VWC2: variants seen among roughly 807,000 people sequenced by gnomAD.
VWC2 encodes brorin.
A neutral mutation model predicts 29.8 loss-of-function variants in VWC2; 14 were observed. The ratio of observed to expected loss-of-function variants is 0.47; its 90% CI spans 0.31 to 0.74. VWC2 has a LOEUF of 0.74. Among genes scored for constraint, VWC2 ranks in the 30% least tolerant of loss-of-function variants. VWC2 has a pLI of 0.05. For synonymous variants in VWC2, 213 were observed against 199.0 expected (o/e 1.07, Z -0.59); for missense variants, 457 against 459.8 (o/e 0.99, Z 0.05).
intron 2 of VWC2, among the ~76,000 whole-genome samples, 158 bp from the exon 3 acceptor site, chr7:49,802,553 G>T (rs772490579): frequency 2.0e-5 from 3 of 152,122 alleles, no homozygotes; most frequent in African/African-American, 4.8e-5. Context: ...CAGCAGAATC[G>T]CTTGAACTCG....
At chr7:49,822,441 GTT>G (rs1310324914) in intron 3 of VWC2, among the ~76,000 whole-genome samples, 1 of 151,934 alleles carries the variant, frequency 6.6e-6, no homozygotes, top group East Asian at 1.9e-4. Flanking sequence ...TTTGTTTTTT[GTT>G]TTTTGTTTGA....
At chr7:49,801,894 C>T (rs1415352755) in intron 2 of VWC2, among the ~76,000 whole-genome samples, 1 of 152,228 alleles carries the variant, frequency 6.6e-6, no homozygotes, top group Non-Finnish European at 1.5e-5. Context: ...CGGCCCTTGG[C>T]CCCGCTTGGA....
chr7:49,802,948 A>C, intron 3 of VWC2, 108 bp downstream of exon 3: 1 of 1,437,826 alleles, frequency 7.0e-7, no homozygotes, highest in Non-Finnish European at 9.5e-7. Flanking sequence ...GTTTCATCCT[A>C]TGTATCAATA....
intron 3 of VWC2, among the ~76,000 whole-genome samples, chr7:49,826,980 G>C (rs189549662): frequency 6.6e-6 from 1 of 151,850 alleles, no homozygotes; most frequent in African/African-American, 2.4e-5. Flanking sequence ...AGTATTCCAA[G>C]TCAGGAAAAA....
At chr7:49,885,872 T>C (rs1444254150) in intron 3 of VWC2, among the ~76,000 whole-genome samples, 1 of 152,244 alleles carries the variant, frequency 6.6e-6, no homozygotes, top group East Asian at 1.9e-4. Context: ...CTGGTAGGGC[T>C]ACAGGCCCTT....
At chr7:49,879,643 C>T (rs1250193932) in intron 3 of VWC2, among the ~76,000 whole-genome samples, 1 of 152,142 alleles carries the variant, frequency 6.6e-6, no homozygotes, top group Admixed American at 6.6e-5. Flanking sequence ...CCAACCCCAA[C>T]TGGAAGGCCT....
chr7:49,829,501 T>C (rs369352411), intron 3 of VWC2, among the ~76,000 whole-genome samples: 30 of 152,346 alleles, frequency 2.0e-4, no homozygotes, highest in African/African-American at 6.5e-4. Context: ...TGGGCATTCA[T>C]GCCCTTCCCC....
At chr7:49,818,611 C>G (rs1789201337) in intron 3 of VWC2, among the ~76,000 whole-genome samples, 3 of 151,822 alleles carry the variant, frequency 2.0e-5, no homozygotes, top group Admixed American at 2.0e-4. Flanking sequence ...GAGAGTAGAC[C>G]CTGAAGCAAG....
intron 3 of VWC2, among the ~76,000 whole-genome samples, chr7:49,862,061 CT>C: frequency 6.6e-6 from 1 of 152,246 alleles, no homozygotes; most frequent in Non-Finnish European, 1.5e-5. Context: ...CTGTAGATTT[CT>C]TTGGGAAGTA....
At chr7:49,812,756 G>A (rs1789043041) in intron 3 of VWC2, among the ~76,000 whole-genome samples, 1 of 152,136 alleles carries the variant, frequency 6.6e-6, no homozygotes, top group African/African-American at 2.4e-5. Context: ...GTGTGATGAG[G>A]CATTTCCCTT....
At chr7:49,820,758 G>A (rs376190850) in intron 3 of VWC2, among the ~76,000 whole-genome samples, 50 of 152,292 alleles carry the variant, frequency 3.3e-4, no homozygotes, top group East Asian at 3.1e-3. Context: ...AATGCCTTGC[G>A]ATCCCTGATT....
chr7:49,920,951 C>A lies in VWC2; in HGVS notation c.*8766C>A, dbSNP rs1403130584. ...TACATTTATGAATTTCTGACAGTTT[C>A]TATAGACTGAGAATAATGATATGCT... On this transcript the variant is annotated 3_prime_UTR_variant, in exon 4 of 4. Coordinates refer to ENST00000340652, the MANE Select transcript of VWC2 (RefSeq NM_198570.5). 6.6e-6 allele frequency: 1 copy of A among 152,138 alleles called. No individual in the cohort carries two copies. Among genetic ancestry groups the A allele is most frequent in the Non-Finnish European group, 1.5e-5 (1 of 68,020 alleles). The allele number at this position is 152,138 out of a possible 1,614,324, so 9.4% of individuals were successfully genotyped here. A position where few individuals can be genotyped will look rare whatever the true frequency, so the allele number is the denominator to read the frequency against.
chr7:49,858,642 C>T (rs1426946323), intron 3 of VWC2, among the ~76,000 whole-genome samples: 1 of 151,728 alleles, frequency 6.6e-6, no homozygotes, highest in East Asian at 1.9e-4. Flanking sequence ...CAACACGGCA[C>T]ATGTATATAT....
At chr7:49,894,497 G>T (rs188058850) in intron 3 of VWC2, among the ~76,000 whole-genome samples, 4 of 152,208 alleles carry the variant, frequency 2.6e-5, no homozygotes, top group Non-Finnish European at 5.9e-5. Flanking sequence ...AAAACATAGT[G>T]GCAATTTATC....
intron 3 of VWC2, among the ~76,000 whole-genome samples, chr7:49,853,763 G>A (rs1249390611): frequency 2.0e-5 from 3 of 151,586 alleles, no homozygotes; most frequent in Non-Finnish European, 2.9e-5. Context: ...TGTGCACAAC[G>A]TGCAGGTTTG....
chr7:49,911,946 CATATAT>C (rs1294749066), intron 3 of VWC2, 82 bp from the exon 4 acceptor site: 3 of 744,256 alleles, frequency 4.0e-6, no homozygotes, highest in Non-Finnish European at 5.9e-6. Flanking sequence ...CACACACACA[CATATAT>C]ATACTGTAAT....
At chr7:49,828,133 A>G (rs1789446650) in intron 3 of VWC2, among the ~76,000 whole-genome samples, 1 of 152,106 alleles carries the variant, frequency 6.6e-6, no homozygotes, top group Non-Finnish European at 1.5e-5. Context: ...GAGATGTTTT[A>G]TATCTGGCTT....
At chr7:49,824,250 G>T (rs545829960) in intron 3 of VWC2, among the ~76,000 whole-genome samples, 2 of 152,028 alleles carry the variant, frequency 1.3e-5, no homozygotes, top group African/African-American at 4.8e-5. Context: ...TTATTTTCTG[G>T]GTACATGGAG....
intron 3 of VWC2, among the ~76,000 whole-genome samples, chr7:49,816,238 C>A (rs1198579102): frequency 6.6e-6 from 1 of 152,104 alleles, no homozygotes; most frequent in Non-Finnish European, 1.5e-5. Flanking sequence ...AATTCTGAGT[C>A]AATGACAAGC....
Sources: allele counts gnomAD v4.1 joint callset (sites outside exome capture counted in the v4.1 genomes callset), GRCh38; gene constraint gnomAD v4.1.1; transcripts MANE v1.5; gene names NCBI Gene and HGNC (gene_info 2026-07-23, HGNC 2026-07-21).